HECA: variants seen among roughly 807,000 people sequenced by gnomAD.
The protein encoded by HECA is headcase protein homolog.
A neutral mutation model predicts 37.6 loss-of-function variants in HECA; 13 were observed. The ratio of observed to expected loss-of-function variants is 0.35; its 90% CI spans 0.23 to 0.55. The LOEUF is 0.55. HECA is among the 20% of genes least tolerant of loss of function. HECA has a pLI of 0.90. For synonymous variants in HECA, 307 were observed against 291.5 expected (o/e 1.05, Z -0.54); for missense variants, 527 against 701.9 (o/e 0.75, Z 2.82).
intron 1 of HECA, among the ~76,000 whole-genome samples, chr6:139,161,351 C>T (rs543420801): frequency 1.3e-5 from 2 of 152,200 alleles, no homozygotes; most frequent in East Asian, 3.9e-4. Context: ...AAGTGGCTGA[C>T]TATAAACAAG....
At chr6:139,149,626 G>C (rs186987331) in intron 1 of HECA, among the ~76,000 whole-genome samples, 24 of 152,200 alleles carry the variant, frequency 1.6e-4, no homozygotes, top group East Asian at 7.7e-4. Flanking sequence ...CTGCTGCTTT[G>C]GGGGGAGCCT....
chr6:139,155,090 T>C (rs752612051), intron 1 of HECA, among the ~76,000 whole-genome samples: 6 of 152,138 alleles, frequency 3.9e-5, no homozygotes, highest in Admixed American at 1.3e-4. Context: ...CATCATAGAG[T>C]GTACTTATAC....
chr6:139,161,654 T>TA (rs1774803924), intron 1 of HECA, among the ~76,000 whole-genome samples: 1 of 152,226 alleles, frequency 6.6e-6, no homozygotes, highest in Non-Finnish European at 1.5e-5. Context: ...AGTGTGAAAA[T>TA]ACTTTTCAAA....
At chr6:139,170,963 T>C (rs1420591311) in intron 2 of HECA, among the ~76,000 whole-genome samples, 1 of 152,156 alleles carries the variant, frequency 6.6e-6, no homozygotes, top group African/African-American at 2.4e-5. Flanking sequence ...CTTGTGAATT[T>C]AGAAACAAAA....
intron 1 of HECA, among the ~76,000 whole-genome samples, chr6:139,162,056 C>T (rs556834657): frequency 6.6e-6 from 1 of 152,054 alleles, no homozygotes; most frequent in Non-Finnish European, 1.5e-5. Flanking sequence ...ATCTTTAATG[C>T]GACTTTTTTC....
At chr6:139,151,423 T>A (rs954042801) in intron 1 of HECA, 1 of 151,578 alleles carries the variant, frequency 6.6e-6, no homozygotes, top group Non-Finnish European at 1.5e-5. Flanking sequence ...GTTAACTCAA[T>A]CCGTTTAACT....
intron 1 of HECA, among the ~76,000 whole-genome samples, chr6:139,163,242 A>G (rs1396792913): frequency 1.3e-5 from 2 of 152,118 alleles, no homozygotes; most frequent in African/African-American, 4.8e-5. Flanking sequence ...GCTGCTAGAC[A>G]TCTTACAGGA....
chr6:139,178,148 A>G lies in HECA; in HGVS notation c.*1043A>G, dbSNP rs933928532. ...TAATTTTACTATTTCTTTTAAAAGT[A>G]TGTTTTGGAAAATCAATGATTTTAA... On this transcript the variant is annotated 3_prime_UTR_variant, in exon 4 of 4. Transcript: ENST00000367658. The G allele has an allele frequency of 6.6e-6, 1 of 152,228 alleles. No homozygotes were observed. The highest frequency in any genetic ancestry group is 6.5e-5 in the Admixed American group (1 of 15,288). The allele number at this position is 152,228 out of a possible 1,614,324, so 9.4% of individuals were successfully genotyped here.
chr6:139,137,248 G>C (rs1774459335), intron 1 of HECA, among the ~76,000 whole-genome samples: 1 of 152,026 alleles, frequency 6.6e-6, no homozygotes, highest in Non-Finnish European at 1.5e-5. Context: ...TCCTAGCTCA[G>C]CCATTTAGAG....
At chr6:139,154,694 A>G (rs1774692284) in intron 1 of HECA, among the ~76,000 whole-genome samples, 1 of 152,268 alleles carries the variant, frequency 6.6e-6, no homozygotes, top group Non-Finnish European at 1.5e-5. Flanking sequence ...CAAATCGGCC[A>G]TGGCCTTTGG....
chr6:139,135,502 G>C lies in HECA; in HGVS notation c.106G>C (p.Ala36Pro), dbSNP rs1383001004. Residue 36 changes from alanine to proline, a missense_variant, in exon 1 of 4, where the codon GCG becomes CCG. Coordinates refer to ENST00000367658, the MANE Select transcript of HECA (RefSeq NM_016217.3). ...CGGGGCCCTGGCAGCGGCGGGCGCGGCGGGAGCGGCGGCCGGGGGGGCCCT... is the reference window on the plus strand; with the variant it reads ...CGGGGCCCTGGCAGCGGCGGGCGCGCCGGGAGCGGCGGCCGGGGGGGCCCT... Reference protein sequence around the residue: ...GAGALAAAGAAGAAAGGALAA... With the variant: ...GAGALAAAGAPGAAAGGALAA... 1 of 1,123,790 alleles carries C rather than the reference G, an allele frequency of 8.9e-7. No individual in the cohort carries two copies. The highest frequency in any genetic ancestry group is 4.1e-5 in the Admixed American group (1 of 24,682). The allele number at this position is 1,123,790 out of a possible 1,614,324, so 69.6% of individuals were successfully genotyped here. A position where few individuals can be genotyped will look rare whatever the true frequency, so the allele number is the denominator to read the frequency against.
At chr6:139,158,859 A>T (rs1272728261) in intron 1 of HECA, among the ~76,000 whole-genome samples, 1 of 152,080 alleles carries the variant, frequency 6.6e-6, no homozygotes, top group East Asian at 1.9e-4. Context: ...AGATCACTTG[A>T]GGTCAGGAGT....
intron 1 of HECA, among the ~76,000 whole-genome samples, chr6:139,163,217 G>A (rs562257364): frequency 1.3e-5 from 2 of 152,344 alleles, no homozygotes; most frequent in East Asian, 3.9e-4. Flanking sequence ...GGGATGGACA[G>A]TGAGGTTGCT....
chr6:139,140,507 C>T (rs1216507592), intron 1 of HECA, among the ~76,000 whole-genome samples: 2 of 152,210 alleles, frequency 1.3e-5, no homozygotes, highest in Admixed American at 1.3e-4. Context: ...GCTCTATGCG[C>T]AGTCTCGTCT....
At chr6:139,144,407 C>T (rs1287971159) in intron 1 of HECA, 2 of 152,238 alleles carry the variant, frequency 1.3e-5, no homozygotes, top group South Asian at 2.1e-4. Context: ...GACATTTGAG[C>T]TGAGTCTTGC....
At position 139,177,185 on chromosome 6, in the gene HECA, A is replaced by G. The variant is rs1007820450; in HGVS notation, c.*80A>G. ...ATCTTTTATAGGGAAACATTCTGTGACATTAATTTCCTTTCTAATTTAAAG... is the reference window on the plus strand; with the variant it reads ...ATCTTTTATAGGGAAACATTCTGTGGCATTAATTTCCTTTCTAATTTAAAG... On this transcript the variant is annotated 3_prime_UTR_variant, in exon 4 of 4. Transcript: ENST00000367658. This position sits in a 1 kb window ranked among gnomAD's most constrained non-coding sequence, Gnocchi z 4.9. 2.3e-5 allele frequency: 15 copies of G among 664,556 alleles called. No individual in the cohort carries two copies. The highest frequency in any genetic ancestry group is 3.3e-5 in the Non-Finnish European group (13 of 390,058). 41.2% of individuals were successfully genotyped at this position (664,556 alleles called of 1,614,324 possible). A position where few individuals can be genotyped will look rare whatever the true frequency, so the allele number is the denominator to read the frequency against.
intron 1 of HECA, chr6:139,144,508 A>C (rs944524601): frequency 6.5e-6 from 1 of 152,676 alleles, no homozygotes; most frequent in Non-Finnish European, 1.5e-5. Context: ...TTGCTCCAGG[A>C]GTTTGATGTA....
intron 1 of HECA, among the ~76,000 whole-genome samples, chr6:139,142,728 A>G (rs1389902273): frequency 6.6e-6 from 1 of 152,170 alleles, no homozygotes; most frequent in South Asian, 2.1e-4. Flanking sequence ...CGGGCGGATC[A>G]TGAGGTCAGG....
rs1179289896 is a variant in HECA, at chr6:139,176,805, C to T, written c.1468-136C>T. On this transcript the variant is annotated intron_variant, in intron 3 of 3. Transcript: ENST00000367658. The surrounding 1 kb of genome is among the most constrained non-coding windows in gnomAD (Gnocchi z 4.5). ...AGTTGGGAGTCTTTCAGGTATACCC[C>T]GTTTCCATGTTTTTGGTAGTAAAAG... 7.9e-6 allele frequency: 5 copies of T among 632,040 alleles called. No homozygotes were observed. Among genetic ancestry groups the T allele is most frequent in the Middle Eastern group, 4.4e-4 (1 of 2,252 alleles). The allele number at this position is 632,040 out of a possible 1,614,324, so 39.2% of individuals were successfully genotyped here. A position where few individuals can be genotyped will look rare whatever the true frequency, so the allele number is the denominator to read the frequency against.
Sources: allele counts gnomAD v4.1 joint callset (sites outside exome capture counted in the v4.1 genomes callset), GRCh38; gene constraint gnomAD v4.1.1; non-coding constraint Gnocchi (gnomAD v3.1); transcripts MANE v1.5; gene names NCBI Gene and HGNC (gene_info 2026-07-23, HGNC 2026-07-21).